PAX5: variants seen among roughly 807,000 people sequenced by gnomAD.
PAX5 encodes the protein paired box 5.
In PAX5, 9 loss-of-function variants were observed where a neutral mutation model predicts 43.7. The observed-to-expected ratio is 0.21, with a 90% confidence interval of 0.12 to 0.36. PAX5 has a LOEUF of 0.36. Ranked by LOEUF, PAX5 falls within the 10% of genes least tolerant of loss-of-function variation. The pLI is 1.00. For synonymous variants in PAX5, 228 were observed against 214.3 expected, an observed-to-expected ratio of 1.06 and a Z score of -0.56; for missense variants, 383 against 532.7, an observed-to-expected ratio of 0.72 and a Z score of 2.77.
intron 1 of PAX5, among the ~76,000 whole-genome samples, chr9:37,022,727 A>C (rs776745944): frequency 2.6e-5 from 4 of 152,180 alleles, no homozygotes; most frequent in Non-Finnish European, 5.9e-5. Context: ...AAAACCCTAA[A>C]GGTCTCCTAG....
chr9:37,012,188 G>A (rs1043189302), intron 3 of PAX5, among the ~76,000 whole-genome samples: 5 of 152,162 alleles, frequency 3.3e-5, no homozygotes, highest in African/African-American at 1.2e-4. Flanking sequence ...GGCAGCCCGC[G>A]AGGATCTGAA....
At chr9:37,012,611 C>T (rs1307623206) in intron 3 of PAX5, among the ~76,000 whole-genome samples, 1 of 152,230 alleles carries the variant, frequency 6.6e-6, no homozygotes, top group Non-Finnish European at 1.5e-5. Flanking sequence ...GACCACACAT[C>T]CCATGCCCCT....
At chr9:37,002,405 T>C (rs1340370313) in intron 5 of PAX5, among the ~76,000 whole-genome samples, 1 of 152,218 alleles carries the variant, frequency 6.6e-6, no homozygotes, top group Non-Finnish European at 1.5e-5. Context: ...GCTGCTTCTA[T>C]CCAAGGGGTG....
chr9:37,030,746 T>C (rs1235968563), intron 1 of PAX5, among the ~76,000 whole-genome samples: 3 of 152,202 alleles, frequency 2.0e-5, no homozygotes, highest in Admixed American at 6.5e-5. Flanking sequence ...CCTCCCGGCT[T>C]CCCTTTCCAC....
intron 8 of PAX5, 142 bp from the exon 9 acceptor site, chr9:36,847,071 A>G (rs1047402348): frequency 3.2e-6 from 2 of 618,262 alleles, no homozygotes; most frequent in African/African-American, 3.7e-5. Flanking sequence ...AACAAAAGCA[A>G]GTCAGGTCCA....
chr9:36,996,164 G>A (rs148153509), intron 5 of PAX5, among the ~76,000 whole-genome samples: 2 of 152,374 alleles, frequency 1.3e-5, no homozygotes, highest in African/African-American at 4.8e-5. Context: ...ACAGGACCGT[G>A]GCTAAAGCCT....
intron 5 of PAX5, among the ~76,000 whole-genome samples, chr9:36,975,863 T>C (rs1391969608): frequency 6.6e-6 from 1 of 152,236 alleles, no homozygotes; most frequent in African/African-American, 2.4e-5. Context: ...AGTATTTTTT[T>C]CCCCTGCTAA....
intron 2 of PAX5, among the ~76,000 whole-genome samples, chr9:37,017,593 A>G (rs1839489998): frequency 2.0e-5 from 3 of 152,322 alleles, no homozygotes; most frequent in Admixed American, 2.0e-4. Context: ...CATTTAGACA[A>G]CCCTGTCCTG....
In PAX5 at chr9:36,952,234, C is replaced by CTTTTTTTTT. The variant is rs138009049; in HGVS notation, c.780+14306_780+14314dup. Among the ~76,000 whole-genome samples the CTTTTTTTTT allele has an allele frequency of 1.2e-3, 77 of 66,662 alleles. 8 individuals are homozygous for CTTTTTTTTT. Among genetic ancestry groups the CTTTTTTTTT allele is most frequent in the African/African-American group, 1.7e-3 (27 of 15,924 alleles). The allele number at this position is 66,662 out of a possible 152,430, so 43.7% of individuals were successfully genotyped here. On this transcript the variant is annotated intron_variant, in intron 6 of 9. Transcript: ENST00000358127. Reference sequence around the variant, plus strand: ...TTTTTAATATGCTCTGACCATCTCCCTTTTTTTTTTTTTTTTTTTTTTTGA... The same window carrying CTTTTTTTTT: ...TTTTTAATATGCTCTGACCATCTCCCTTTTTTTTTTTTTTTTTTTTTTTTTTTTTTTTGA...
chr9:37,010,894 G>A (rs1296767970), intron 3 of PAX5, among the ~76,000 whole-genome samples: 1 of 152,178 alleles, frequency 6.6e-6, no homozygotes, highest in Non-Finnish European at 1.5e-5. Flanking sequence ...GTCGATGTGA[G>A]TGGATCACTT....
chr9:36,881,655 G>A (rs925544248), intron 8 of PAX5, among the ~76,000 whole-genome samples: 12 of 151,910 alleles, frequency 7.9e-5, no homozygotes, highest in South Asian at 4.2e-4. Context: ...GAGAGAGGGC[G>A]GGGGCCGGGA....
At chr9:36,842,938 C>T (rs1822200750) in intron 9 of PAX5, among the ~76,000 whole-genome samples, 1 of 152,150 alleles carries the variant, frequency 6.6e-6, no homozygotes, top group South Asian at 2.1e-4. Flanking sequence ...AAGGAGGCTT[C>T]AGCCAGGTTG....
rs146009787 is a variant in PAX5, at chr9:37,003,125, G to A, written c.476-349C>T. On this transcript the variant is annotated intron_variant, in intron 4 of 9. Transcript: ENST00000358127. ...GCAGGGGATGGAGAGGAGAAAGAGG[G>A]GAGCCGGGGCCCACCAACAGTCAGT... 2.7e-4 allele frequency among the ~76,000 whole-genome samples: 40 copies of A among 148,886 alleles called. 1 individual carries two copies. In the East Asian group the frequency reaches 4.1e-3, roughly 15 times the overall value.
rs36123317 is a variant in PAX5, at chr9:36,911,327, C to CT, written c.910+12027dup. ...ATCTCCTTTCCAATGCACAAAACAA[C>CT]TTTTTTTTTTTTTGAGATCGGGGGG... On this transcript the variant is annotated intron_variant, in intron 7 of 9. Coordinates refer to ENST00000358127, the MANE Select transcript of PAX5 (RefSeq NM_016734.3). 2.4e-3 allele frequency among the ~76,000 whole-genome samples: 338 copies of CT among 140,368 alleles called. 1 individual carries two copies. Among genetic ancestry groups the CT allele is most frequent in the Middle Eastern group, 7.1e-3 (2 of 280 alleles). The allele number at this position is 140,368 out of a possible 152,430, so 92.1% of individuals were successfully genotyped here.
At chr9:37,021,863 T>C (rs1208502954) in intron 1 of PAX5, among the ~76,000 whole-genome samples, 2 of 152,212 alleles carry the variant, frequency 1.3e-5, no homozygotes, top group African/African-American at 4.8e-5. Flanking sequence ...TTGATGTTGC[T>C]GGCAGCTCAG....
In PAX5 at chr9:36,838,080, C is replaced by T. The variant is rs1029892122; in HGVS notation, c.*2480G>A. 1.3e-5 allele frequency: 3 copies of T among 233,328 alleles called. No individual in the cohort carries two copies. Among genetic ancestry groups the T allele is most frequent in the African/African-American group, 2.2e-5 (1 of 45,462 alleles). The allele number at this position is 233,328 out of a possible 1,614,324, so 14.5% of individuals were successfully genotyped here. A position where few individuals can be genotyped will look rare whatever the true frequency, so the allele number is the denominator to read the frequency against. On this transcript the variant is annotated 3_prime_UTR_variant, in exon 10 of 10. Coordinates refer to ENST00000358127, the MANE Select transcript of PAX5 (RefSeq NM_016734.3). ...AGGGAGAGAGATGCCAGGTAACATA[C>T]CTTCTCCTACCTTACCTGACAGGTG...
intron 7 of PAX5, among the ~76,000 whole-genome samples, chr9:36,921,579 A>T (rs1315234939): frequency 5.9e-5 from 9 of 152,304 alleles, no homozygotes; most frequent in African/African-American, 2.2e-4. Context: ...AATGGACATG[A>T]TCATAACGGT....
chr9:36,856,543 C>G (rs571140859), intron 8 of PAX5: 1 of 151,552 alleles, frequency 6.6e-6, no homozygotes, highest in South Asian at 2.1e-4. Flanking sequence ...TTCTTTTTTC[C>G]TCTTTTTTTT....
intron 8 of PAX5, among the ~76,000 whole-genome samples, chr9:36,851,234 G>A: frequency 6.6e-6 from 1 of 152,332 alleles, no homozygotes; most frequent in African/African-American, 2.4e-5. Flanking sequence ...GTTGGGTGGA[G>A]ATGGAAGAAG....
Sources: allele counts gnomAD v4.1 joint callset (sites outside exome capture counted in the v4.1 genomes callset), GRCh38; gene constraint gnomAD v4.1.1; transcripts MANE v1.5; gene names NCBI Gene and HGNC (gene_info 2026-07-23, HGNC 2026-07-21).